The following CDH12 variants were observed in gnomAD, a reference collection of about 807,000 sequenced individuals.
The protein encoded by CDH12 is cadherin 12.
Under a neutral mutation model 74.1 loss-of-function variants are expected in CDH12, and 41 were observed. The ratio of observed to expected loss-of-function variants is 0.55; its 90% CI spans 0.43 to 0.72. The LOEUF (loss-of-function observed/expected upper bound fraction) is 0.72, where lower values mean the gene tolerates loss of function less well. CDH12 is among the 30% of genes least tolerant of loss of function. The pLI, the probability that CDH12 is intolerant of heterozygous loss-of-function variation, is 0.00. For synonymous variants in CDH12, 399 were observed against 355.0 expected (o/e 1.12, Z -1.39); for missense variants, 945 against 977.2 (o/e 0.97, Z 0.44).
chr5:22,318,545 T>C (rs1406076082), intron 3 of CDH12, among the ~76,000 whole-genome samples: 1 of 152,176 alleles, frequency 6.6e-6, no homozygotes, highest in African/African-American at 2.4e-5. Flanking sequence ...TATTATAATT[T>C]TGTTCCCCAA....
chr5:22,580,144 G>T (rs1428801504), intron 1 of CDH12: 2 of 265,442 alleles, frequency 7.5e-6, no homozygotes, highest in African/African-American at 4.5e-5. Flanking sequence ...TTTTCCTGAT[G>T]CTTACTGACA....
chr5:22,013,838 T>C (rs1409390539), intron 5 of CDH12, among the ~76,000 whole-genome samples: 1 of 152,214 alleles, frequency 6.6e-6, no homozygotes, highest in Non-Finnish European at 1.5e-5. Context: ...TCTCTTAATA[T>C]ACTTCTCTTT....
intron 4 of CDH12, among the ~76,000 whole-genome samples, chr5:22,108,371 T>A (rs1744613231): frequency 6.6e-6 from 1 of 152,260 alleles, no homozygotes; most frequent in Admixed American, 6.5e-5. Flanking sequence ...GTGTTGGGTA[T>A]GTCTTTATCA....
chr5:22,423,745 T>G (rs1479125499), intron 2 of CDH12, among the ~76,000 whole-genome samples: 1 of 152,062 alleles, frequency 6.6e-6, no homozygotes, highest in Non-Finnish European at 1.5e-5. Context: ...GGCTCAAGCG[T>G]GTAATCCCAG....
intron 1 of CDH12, among the ~76,000 whole-genome samples, chr5:22,664,824 A>C (rs1740530091): frequency 1.3e-5 from 2 of 152,330 alleles, no homozygotes; most frequent in Admixed American, 1.3e-4. Flanking sequence ...TATTGTACAC[A>C]TACTACTATG....
At chr5:21,763,919 C>T (rs1744861546) in intron 12 of CDH12, among the ~76,000 whole-genome samples, 1 of 152,158 alleles carries the variant, frequency 6.6e-6, no homozygotes, top group Non-Finnish European at 1.5e-5. Context: ...CCCAGATGTT[C>T]TCCTCAAGGC....
intron 1 of CDH12, among the ~76,000 whole-genome samples, chr5:22,819,334 G>C (rs774271497): frequency 1.8e-4 from 28 of 151,896 alleles, no homozygotes; most frequent in Non-Finnish European, 3.2e-4. Context: ...AGTGAATAGT[G>C]TCTTGAGACA....
chr5:21,958,195 T>C (rs1016580107), intron 6 of CDH12, among the ~76,000 whole-genome samples: 10 of 152,220 alleles, frequency 6.6e-5, no homozygotes, highest in Admixed American at 6.5e-4. Flanking sequence ...GTAAGTTTCC[T>C]GAGGCCTTCC....
At chr5:21,880,684 TTTCTTTC>T (rs1561268943) in intron 6 of CDH12, among the ~76,000 whole-genome samples, 29 of 133,472 alleles carry the variant, frequency 2.2e-4, no homozygotes, top group African/African-American at 7.1e-4. Flanking sequence ...TCTTTCTTTC[TTTCTTTC>T]TCTTTTCTCC....
intron 6 of CDH12, among the ~76,000 whole-genome samples, chr5:21,898,728 TAAATA>T (rs1409608119): frequency 2.6e-5 from 4 of 151,630 alleles, no homozygotes; most frequent in Middle Eastern, 3.2e-3. Flanking sequence ...AATATATAAA[TAAATA>T]AAATAAAGTA....
chr5:22,066,607 G>T (rs1171641322), intron 5 of CDH12, among the ~76,000 whole-genome samples: 3 of 152,246 alleles, frequency 2.0e-5, no homozygotes, highest in Non-Finnish European at 2.9e-5. Flanking sequence ...TCAGCAGCTG[G>T]AAGATTCCCC....
At chr5:22,602,771 T>G (rs190061211) in intron 1 of CDH12, among the ~76,000 whole-genome samples, 20 of 152,278 alleles carry the variant, frequency 1.3e-4, no homozygotes, top group African/African-American at 4.8e-4. Context: ...TATATTATAT[T>G]TGGCATTTTG....
At chr5:22,778,308 C>T (rs1265362692) in intron 1 of CDH12, among the ~76,000 whole-genome samples, 1 of 152,134 alleles carries the variant, frequency 6.6e-6, no homozygotes. Context: ...AAGTTACTAA[C>T]AGAGTTCACA....
intron 2 of CDH12, among the ~76,000 whole-genome samples, chr5:22,482,945 G>A (rs1411876719): frequency 7.9e-5 from 12 of 152,100 alleles, no homozygotes; most frequent in Non-Finnish European, 4.4e-5. Flanking sequence ...CTCTGACAAT[G>A]CAATGCTTCA....
intron 1 of CDH12, among the ~76,000 whole-genome samples, chr5:22,784,398 T>C (rs1322885219): frequency 6.6e-6 from 1 of 152,148 alleles, no homozygotes; most frequent in African/African-American, 2.4e-5. Context: ...CACTTAACAC[T>C]CTTTCACCTT....
At chr5:21,768,342 T>G (rs1175442201) in intron 11 of CDH12, among the ~76,000 whole-genome samples, 1 of 151,860 alleles carries the variant, frequency 6.6e-6, no homozygotes, top group African/African-American at 2.4e-5. Context: ...TTCAATAATA[T>G]CGGAGTCAGA....
intron 2 of CDH12, among the ~76,000 whole-genome samples, chr5:22,427,421 C>T (rs1272024764): frequency 1.3e-5 from 2 of 152,118 alleles, no homozygotes; most frequent in African/African-American, 4.8e-5. Context: ...CCACCACAGC[C>T]TCCCAAATTG....
rs113180928 is a variant in CDH12 at position 21,841,206 on chromosome 5, C to T, written c.814+955G>A. Among the ~76,000 whole-genome samples, 39 of 151,754 alleles carry T rather than the reference C, an allele frequency of 2.6e-4. 1 individual carries two copies. The highest frequency in any genetic ancestry group is 7.9e-4 in the African/African-American group (33 of 41,510). ...TCAAAAAGTGGGCAAAGGATATGAA[C>T]AGACACTTCTCAAAAGAAGACATTT... On this transcript the variant is annotated intron_variant, in intron 8 of 14. Transcript: ENST00000382254.
intron 1 of CDH12, among the ~76,000 whole-genome samples, chr5:22,770,892 T>A (rs1349979425): frequency 1.3e-5 from 2 of 152,112 alleles, no homozygotes; most frequent in Non-Finnish European, 2.9e-5. Context: ...AAAGTGAAAA[T>A]GTCTCTGTTG....
Sources: gnomAD v4.1 joint callset for allele counts (sites outside exome capture counted in the v4.1 genomes callset) on GRCh38, gnomAD v4.1.1 for gene constraint, MANE v1.5 for transcripts, NCBI Gene and HGNC (gene_info 2026-07-23, HGNC 2026-07-21) for gene names.